The following GALNTL6 variants were observed in gnomAD, a reference collection of about 807,000 sequenced individuals.
The protein encoded by GALNTL6 is polypeptide N-acetylgalactosaminyltransferase like 6, also known as polypeptide N-acetylgalactosaminyltransferase-like 6.
Under a neutral mutation model 73.7 loss-of-function variants are expected in GALNTL6, and 46 were observed. The ratio of observed to expected loss-of-function variants is 0.62; its 90% CI spans 0.49 to 0.80. The LOEUF is 0.80. Among genes scored for constraint, GALNTL6 ranks in the 30% least tolerant of loss-of-function variants. GALNTL6 has a pLI of 0.00. For synonymous variants in GALNTL6, 259 were observed against 263.7 expected, an observed-to-expected ratio of 0.98 and a Z score of 0.17; for missense variants, 604 against 755.0, an observed-to-expected ratio of 0.80 and a Z score of 2.34.
intron 2 of GALNTL6, among the ~76,000 whole-genome samples, chr4:171,921,368 C>A (rs976082370): frequency 1.3e-5 from 2 of 152,050 alleles, no homozygotes; most frequent in Non-Finnish European, 2.9e-5. Context: ...CTATCTGTCT[C>A]TTCTATCCGT....
At chr4:172,374,296 G>A (rs568306240) in intron 5 of GALNTL6, among the ~76,000 whole-genome samples, 7 of 152,114 alleles carry the variant, frequency 4.6e-5, no homozygotes, top group African/African-American at 1.7e-4. Context: ...TTTCCTTTTG[G>A]GCCTGTTCCT....
At chr4:172,323,876 G>T (rs868076360) in intron 4 of GALNTL6, among the ~76,000 whole-genome samples, 1 of 152,022 alleles carries the variant, frequency 6.6e-6, no homozygotes, top group Middle Eastern at 3.2e-3. Flanking sequence ...CTCTAGCCAT[G>T]AGGTCAGAAA....
At chr4:172,295,379 A>G (rs913526752) in intron 3 of GALNTL6, among the ~76,000 whole-genome samples, 11 of 151,004 alleles carry the variant, frequency 7.3e-5, no homozygotes, top group Non-Finnish European at 1.2e-4. Context: ...CCAAGATCGC[A>G]CCACTGCACT....
chr4:172,928,621 A>G (rs1054585614), intron 8 of GALNTL6, among the ~76,000 whole-genome samples: 1 of 152,160 alleles, frequency 6.6e-6, no homozygotes, highest in African/African-American at 2.4e-5. Context: ...ATTTCTTCCT[A>G]CTAGGTTGAA....
chr4:172,047,433 CA>C (rs777136570), intron 2 of GALNTL6, among the ~76,000 whole-genome samples: 2 of 151,976 alleles, frequency 1.3e-5, no homozygotes, highest in Non-Finnish European at 2.9e-5. Flanking sequence ...ACAGATGTGT[CA>C]AAATGATGCA....
At chr4:171,939,917 T>C (rs1413674875) in intron 2 of GALNTL6, among the ~76,000 whole-genome samples, 1 of 152,098 alleles carries the variant, frequency 6.6e-6, no homozygotes, top group Non-Finnish European at 1.5e-5. Context: ...AAGATGAATA[T>C]GGAATCATAT....
intron 8 of GALNTL6, among the ~76,000 whole-genome samples, chr4:172,893,323 C>CA (rs774804187): frequency 3.2e-4 from 47 of 148,956 alleles, no homozygotes; most frequent in Non-Finnish European, 5.6e-4. Flanking sequence ...GTGTATCACT[C>CA]TTCTAAGTGT....
intron 2 of GALNTL6, among the ~76,000 whole-genome samples, chr4:171,843,261 G>T (rs569780900): frequency 2.3e-4 from 35 of 151,912 alleles, no homozygotes; most frequent in Non-Finnish European, 5.0e-4. Context: ...TGTCCCTAAA[G>T]TAAAATACAC....
intron 5 of GALNTL6, among the ~76,000 whole-genome samples, chr4:172,633,830 G>A (rs771758316): frequency 3.3e-5 from 5 of 152,218 alleles, no homozygotes; most frequent in Non-Finnish European, 7.3e-5. Flanking sequence ...TACTGTTCTC[G>A]TGGTAGTCAG....
At chr4:172,655,125 A>G (rs1436463811) in intron 5 of GALNTL6, among the ~76,000 whole-genome samples, 2 of 152,198 alleles carry the variant, frequency 1.3e-5, no homozygotes, top group Non-Finnish European at 2.9e-5. Flanking sequence ...ATTTAATTCC[A>G]TTTAAAATTA....
At chr4:172,066,316 T>C (rs982932870) in intron 2 of GALNTL6, among the ~76,000 whole-genome samples, 2 of 152,214 alleles carry the variant, frequency 1.3e-5, no homozygotes, top group Non-Finnish European at 2.9e-5. Flanking sequence ...GTTTTGCTTT[T>C]TCCAGAATGT....
At chr4:172,888,770 A>G (rs549710094) in intron 8 of GALNTL6, among the ~76,000 whole-genome samples, 1 of 152,286 alleles carries the variant, frequency 6.6e-6, no homozygotes, top group South Asian at 2.1e-4. Flanking sequence ...TGAATTTGAG[A>G]ATAGTTTTTT....
At chr4:172,254,301 G>C (rs979839597) in intron 3 of GALNTL6, among the ~76,000 whole-genome samples, 2 of 151,658 alleles carry the variant, frequency 1.3e-5, no homozygotes, top group African/African-American at 4.8e-5. Context: ...CTCAATATAA[G>C]TGAAACAAAA....
At chr4:172,899,587 G>T (rs1311523775) in intron 8 of GALNTL6, among the ~76,000 whole-genome samples, 2 of 152,104 alleles carry the variant, frequency 1.3e-5, no homozygotes, top group African/African-American at 4.8e-5. Flanking sequence ...CCTTTACTTG[G>T]TAGTGTTACC....
At chr4:171,898,451 A>G (rs1339870317) in intron 2 of GALNTL6, among the ~76,000 whole-genome samples, 1 of 152,136 alleles carries the variant, frequency 6.6e-6, no homozygotes, top group Non-Finnish European at 1.5e-5. Flanking sequence ...CTAGAGACAC[A>G]AATATCCATC....
At chr4:172,255,269 T>C (rs1045091541) in intron 3 of GALNTL6, among the ~76,000 whole-genome samples, 1 of 151,530 alleles carries the variant, frequency 6.6e-6, no homozygotes, top group Non-Finnish European at 1.5e-5. Flanking sequence ...GTTACCGCAA[T>C]GTGGTTTGTA....
chr4:172,779,920 G>A (rs1294815663), intron 5 of GALNTL6, among the ~76,000 whole-genome samples: 2 of 152,124 alleles, frequency 1.3e-5, no homozygotes, highest in Non-Finnish European at 2.9e-5. Flanking sequence ...AGGAGGGAAG[G>A]AAATGTGGGA....
chr4:172,988,700 G>C (rs573273744), intron 10 of GALNTL6, among the ~76,000 whole-genome samples: 2 of 152,376 alleles, frequency 1.3e-5, no homozygotes, highest in Non-Finnish European at 2.9e-5. Context: ...CCAGGACCCT[G>C]CTGCCTTGTG....
At chr4:172,733,714 G>A (rs566949846) in intron 5 of GALNTL6, among the ~76,000 whole-genome samples, 11 of 152,132 alleles carry the variant, frequency 7.2e-5, no homozygotes, top group South Asian at 6.2e-4. Flanking sequence ...CTCCTCCTTC[G>A]CCTTCCGCCA....
Sources: allele counts gnomAD v4.1 joint callset (sites outside exome capture counted in the v4.1 genomes callset), GRCh38; gene constraint gnomAD v4.1.1; transcripts MANE v1.5; gene names NCBI Gene and HGNC (gene_info 2026-07-23, HGNC 2026-07-21).